PHACTR1: variants seen among roughly 807,000 people sequenced by gnomAD.
PHACTR1 encodes RPEL repeat containing 1.
In PHACTR1, 16 loss-of-function variants were observed where a neutral mutation model predicts 69.2. The ratio of observed to expected loss-of-function variants is 0.23; its 90% CI spans 0.16 to 0.35. The LOEUF is 0.35. PHACTR1 is among the 10% of genes least tolerant of loss of function. PHACTR1 has a pLI of 1.00. For synonymous variants in PHACTR1, 312 were observed against 284.5 expected, an observed-to-expected ratio of 1.10 and a Z score of -0.97; for missense variants, 510 against 734.7, an observed-to-expected ratio of 0.69 and a Z score of 3.54.
intron 4 of PHACTR1, among the ~76,000 whole-genome samples, chr6:12,784,285 C>T (rs1196307430): frequency 6.6e-6 from 1 of 151,702 alleles, no homozygotes; most frequent in African/African-American, 2.4e-5. Context: ...ATACTATATA[C>T]ATGCACACAC....
chr6:12,933,676 AG>A (rs1789117882), intron 4 of PHACTR1: 1 of 1,612,732 alleles, frequency 6.2e-7, no homozygotes, highest in Non-Finnish European at 8.5e-7. Flanking sequence ...GAATGGGACC[AG>A]CAGTGCCAAC....
At chr6:13,046,997 A>C (rs571701058) in intron 4 of PHACTR1, among the ~76,000 whole-genome samples, 1 of 152,166 alleles carries the variant, frequency 6.6e-6, no homozygotes, top group South Asian at 2.1e-4. Flanking sequence ...ATTTATGATA[A>C]GGTAGCTCTG....
At chr6:12,986,649 T>C (rs943862323) in intron 4 of PHACTR1, among the ~76,000 whole-genome samples, 1 of 152,236 alleles carries the variant, frequency 6.6e-6, no homozygotes, top group African/African-American at 2.4e-5. Context: ...TATGTGTGCA[T>C]GCCAGATAGA....
intron 5 of PHACTR1, among the ~76,000 whole-genome samples, chr6:13,085,215 A>G (rs1812080817): frequency 6.6e-6 from 1 of 151,968 alleles, no homozygotes; most frequent in Non-Finnish European, 1.5e-5. Flanking sequence ...ATAATCTCTC[A>G]TTCCATAATA....
At chr6:12,825,136 C>T (rs1776650450) in intron 4 of PHACTR1, among the ~76,000 whole-genome samples, 3 of 152,010 alleles carry the variant, frequency 2.0e-5, no homozygotes, top group Admixed American at 1.3e-4. Flanking sequence ...CACAGACACA[C>T]ACACACACAT....
chr6:12,903,579 G>T (rs1469580382), intron 4 of PHACTR1, among the ~76,000 whole-genome samples: 2 of 152,226 alleles, frequency 1.3e-5, no homozygotes, highest in African/African-American at 4.8e-5. Context: ...GGTTTATTCT[G>T]CCCTCCTGGC....
intron 5 of PHACTR1, among the ~76,000 whole-genome samples, chr6:13,066,047 A>C (rs1269827879): frequency 6.6e-6 from 1 of 152,162 alleles, no homozygotes; most frequent in Admixed American, 6.5e-5. Context: ...AGTGGTTAGA[A>C]AGCAAAGCAG....
chr6:12,997,297 G>C (rs1797540552), intron 4 of PHACTR1, among the ~76,000 whole-genome samples: 1 of 146,854 alleles, frequency 6.8e-6, no homozygotes, highest in Non-Finnish European at 1.5e-5. Flanking sequence ...ATAAGTGAAT[G>C]TATATTATAT....
Position 12,838,251 on chromosome 6 carries a change from G to A in PHACTR1, c.250+88461G>A, listed in dbSNP as rs72835695. On this transcript the variant is annotated intron_variant, in intron 4 of 14. Coordinates refer to ENST00000332995, the MANE Select transcript of PHACTR1 (RefSeq NM_030948.6). Reference sequence around the variant, plus strand: ...CACAAGAGAAAAGGGTCACATGAGGGTATGAAAATCAGAAGGCAGGGATCA... The same window carrying A: ...CACAAGAGAAAAGGGTCACATGAGGATATGAAAATCAGAAGGCAGGGATCA... 6.3e-3 allele frequency among the ~76,000 whole-genome samples: 967 copies of A among 152,298 alleles called. 3 individuals are homozygous for A. The highest frequency in any genetic ancestry group is 1.0e-2 in the Non-Finnish European group (680 of 68,026).
chr6:13,027,879 G>T (rs2127683374), intron 4 of PHACTR1, among the ~76,000 whole-genome samples: 1 of 152,282 alleles, frequency 6.6e-6, no homozygotes, highest in Admixed American at 6.5e-5. Flanking sequence ...GTTTCACCAT[G>T]TTGGCCAGGC....
intron 7 of PHACTR1, chr6:13,196,420 C>CT (rs1554153704): frequency 0.044 from 5,960 of 136,430 alleles, 347 homozygotes; most frequent in African/African-American, 0.15. Flanking sequence ...GGTTTTCTTT[C>CT]TTTTTTTTTT....
chr6:12,888,079 A>AAG (rs1783819132), intron 4 of PHACTR1, among the ~76,000 whole-genome samples: 1 of 150,988 alleles, frequency 6.6e-6, no homozygotes, highest in Non-Finnish European at 1.5e-5. Context: ...TCTCAAAAAA[A>AAG]AAAAAAAAAA....
intron 5 of PHACTR1, among the ~76,000 whole-genome samples, chr6:13,125,014 C>T (rs551084104): frequency 6.6e-6 from 1 of 152,288 alleles, no homozygotes; most frequent in Admixed American, 6.5e-5. Flanking sequence ...TCTCCATCTA[C>T]TCCTGAAGCA....
chr6:12,758,708 G>C (rs1767663420), intron 4 of PHACTR1, among the ~76,000 whole-genome samples: 1 of 152,056 alleles, frequency 6.6e-6, no homozygotes, highest in African/African-American at 2.4e-5. Flanking sequence ...TAATAGACAT[G>C]ATTTACCACA....
chr6:12,769,225 C>T (rs1243403175), intron 4 of PHACTR1, among the ~76,000 whole-genome samples: 1 of 152,062 alleles, frequency 6.6e-6, no homozygotes, highest in African/African-American at 2.4e-5. Context: ...AATGTTGTCA[C>T]CACAAAAAAA....
At chr6:13,165,738 A>G (rs1759702309) in intron 6 of PHACTR1, among the ~76,000 whole-genome samples, 1 of 152,084 alleles carries the variant, frequency 6.6e-6, no homozygotes, top group Non-Finnish European at 1.5e-5. Flanking sequence ...GAGTGGCTCA[A>G]ACAGGGGCAT....
chr6:13,252,112 C>T (rs1774510547), intron 10 of PHACTR1, among the ~76,000 whole-genome samples: 1 of 148,540 alleles, frequency 6.7e-6, no homozygotes, highest in African/African-American at 2.5e-5. Context: ...GACTTATGCC[C>T]ATAATCCCAG....
intron 5 of PHACTR1, among the ~76,000 whole-genome samples, chr6:13,107,236 G>C (rs1816312809): frequency 6.6e-6 from 1 of 152,116 alleles, no homozygotes; most frequent in Non-Finnish European, 1.5e-5. Context: ...TCAGTCTCCT[G>C]AGTAGCTGGG....
At chr6:13,103,954 C>T (rs533490710) in intron 5 of PHACTR1, among the ~76,000 whole-genome samples, 11 of 152,092 alleles carry the variant, frequency 7.2e-5, no homozygotes, top group Non-Finnish European at 1.2e-4. Context: ...CATGGTGGCA[C>T]GCACCTGTAG....
Sources: gnomAD v4.1 joint callset for allele counts (sites outside exome capture counted in the v4.1 genomes callset) on GRCh38, gnomAD v4.1.1 for gene constraint, MANE v1.5 for transcripts, NCBI Gene and HGNC (gene_info 2026-07-23, HGNC 2026-07-21) for gene names.